RAI14: variants seen among roughly 807,000 people sequenced by gnomAD.
RAI14 encodes the protein retinoic acid induced 14.
In RAI14, 45 loss-of-function variants were observed where a neutral mutation model predicts 115.4. That is an observed-to-expected ratio of 0.39 (90% CI 0.31 to 0.50). RAI14 has a LOEUF of 0.50. Among genes scored for constraint, RAI14 ranks in the 20% least tolerant of loss-of-function variants. RAI14 has a pLI of 0.85. For missense variants in RAI14, 939 were observed against 1,131.2 expected (o/e 0.83, Z 2.44); for synonymous variants, 371 against 415.4 (o/e 0.89, Z 1.30).
intron 5 of RAI14, among the ~76,000 whole-genome samples, chr5:34,807,597 A>G (rs2150246769): frequency 1.3e-5 from 2 of 152,174 alleles, no homozygotes; most frequent in South Asian, 2.1e-4. Context: ...TGAAGCAGCA[A>G]AGAGGGGAGA....
At chr5:34,800,785 A>T (rs6885422) in intron 4 of RAI14, among the ~76,000 whole-genome samples, 324 of 152,176 alleles carry the variant, frequency 2.1e-3, no homozygotes, top group African/African-American at 7.2e-3. Context: ...TACATCTCCC[A>T]ACCATCTTGT....
chr5:34,757,335 A>T (rs1748021305), intron 2 of RAI14, 133 bp from the exon 3 acceptor site: 1 of 1,057,504 alleles, frequency 9.5e-7, no homozygotes, highest in African/African-American at 1.6e-5. Context: ...AGGTATTTTA[A>T]AACACACTCA....
intron 2 of RAI14, among the ~76,000 whole-genome samples, chr5:34,729,493 A>G (rs1162061293): frequency 6.6e-6 from 1 of 152,236 alleles, no homozygotes; most frequent in Non-Finnish European, 1.5e-5. Flanking sequence ...CTTCAAGAAA[A>G]GAGAGAAGCC....
At chr5:34,780,188 G>C (rs1278955630) in intron 3 of RAI14, among the ~76,000 whole-genome samples, 1 of 152,154 alleles carries the variant, frequency 6.6e-6, no homozygotes, top group African/African-American at 2.4e-5. Flanking sequence ...AGCTGAAACT[G>C]GATCCCATCC....
At chr5:34,749,247 G>A (rs916573840) in intron 2 of RAI14, among the ~76,000 whole-genome samples, 2 of 152,178 alleles carry the variant, frequency 1.3e-5, no homozygotes, top group African/African-American at 4.8e-5. Context: ...ATGGCTGCCC[G>A]AGCAGAGGCA....
At chr5:34,743,805 G>A (rs114416999) in intron 2 of RAI14, among the ~76,000 whole-genome samples, 25,184 of 152,160 alleles carry the variant, frequency 0.17, 2,851 homozygotes, top group Non-Finnish European at 0.22. Flanking sequence ...TGTATGGGGC[G>A]GGGGTGCAGA....
intron 2 of RAI14, among the ~76,000 whole-genome samples, chr5:34,746,479 A>G (rs1320192567): frequency 1.4e-5 from 2 of 144,254 alleles, no homozygotes; most frequent in African/African-American, 5.2e-5. Flanking sequence ...ATCTCGGCTC[A>G]CTGCAACCTC....
Position 34,760,268 on chromosome 5 carries a change from C to A in RAI14, c.167+2670C>A, listed in dbSNP as rs564423677. Among the ~76,000 whole-genome samples, 217 of 152,178 alleles carry A rather than the reference C, an allele frequency of 1.4e-3. 2 individuals carry two copies. Among genetic ancestry groups the A allele is most frequent in the East Asian group, 1.4e-3 (7 of 5,174 alleles). On this transcript the variant is annotated intron_variant, in intron 3 of 17. Transcript: ENST00000265109. ...TTCACCATGTTGGCCAGGATGGTCTCGATCTCCTGACCTCGTGATCTGCCT... is the reference window on the plus strand; with the variant it reads ...TTCACCATGTTGGCCAGGATGGTCTAGATCTCCTGACCTCGTGATCTGCCT...
At chr5:34,752,959 A>G (rs1246303847) in intron 2 of RAI14, among the ~76,000 whole-genome samples, 1 of 151,870 alleles carries the variant, frequency 6.6e-6, no homozygotes, top group Non-Finnish European at 1.5e-5. Flanking sequence ...ATCAGTCAGG[A>G]TACACATACA....
chr5:34,753,154 A>G (rs1747354475), intron 2 of RAI14, among the ~76,000 whole-genome samples: 2 of 152,170 alleles, frequency 1.3e-5, no homozygotes, highest in African/African-American at 4.8e-5. Context: ...TATGGAGGGC[A>G]TGCTAGTTAG....
chr5:34,756,464 G>A (rs1000824469), intron 2 of RAI14, among the ~76,000 whole-genome samples: 11 of 152,134 alleles, frequency 7.2e-5, no homozygotes, highest in Non-Finnish European at 1.6e-4. Context: ...AGCCGAAGGG[G>A]CCAGAAAGTG....
At chr5:34,785,582 G>C (rs980274726) in intron 3 of RAI14, among the ~76,000 whole-genome samples, 8 of 152,176 alleles carry the variant, frequency 5.3e-5, no homozygotes, top group Non-Finnish European at 8.8e-5. Context: ...TGAATGGGTT[G>C]AATTGGTCAC....
chr5:34,733,366 A>G (rs1744433221), intron 2 of RAI14: 1 of 152,228 alleles, frequency 6.6e-6, no homozygotes, highest in Admixed American at 6.5e-5. Context: ...CCTATTGAAC[A>G]TATGCATTTA....
chr5:34,800,516 C>T (rs193074480), intron 4 of RAI14, among the ~76,000 whole-genome samples: 2 of 152,256 alleles, frequency 1.3e-5, no homozygotes, highest in African/African-American at 4.8e-5. Flanking sequence ...GAAAATTTTG[C>T]ATTTGGAGAG....
chr5:34,690,669 G>C lies in RAI14; in HGVS notation c.36+3714G>C, dbSNP rs113762204. 2.1e-4 allele frequency among the ~76,000 whole-genome samples: 32 copies of C among 152,170 alleles called. 1 individual carries two copies. The highest frequency in any genetic ancestry group is 6.5e-5 in the Admixed American group (1 of 15,284). ...TGGTAGGGAATGAGCCTGACTCTGC[G>C]GGCTGTGGTTAGACAGTGACATTGT... On this transcript the variant is annotated intron_variant, in intron 2 of 17. Coordinates refer to ENST00000265109, the MANE Select transcript of RAI14 (RefSeq NM_015577.3).
In RAI14 at chr5:34,692,638, T is replaced by A. The variant is rs532932238; in HGVS notation, c.36+5683T>A. 2.7e-4 allele frequency among the ~76,000 whole-genome samples: 41 copies of A among 151,914 alleles called. 1 individual carries two copies. The South Asian group carries it at 5.0e-3, about 19-fold the overall frequency. On this transcript the variant is annotated intron_variant, in intron 2 of 17. Coordinates refer to ENST00000265109, the MANE Select transcript of RAI14 (RefSeq NM_015577.3). ...TTTTTTTTTTTAATAGACATAATTT[T>A]AAAAAAATCAGCAATGACCCCACTG... is the stretch of plus-strand genomic sequence containing the variant.
intron 2 of RAI14, among the ~76,000 whole-genome samples, chr5:34,697,768 A>G (rs1457358120): frequency 6.6e-6 from 1 of 152,218 alleles, no homozygotes; most frequent in Non-Finnish European, 1.5e-5. Flanking sequence ...TATGTAATTT[A>G]TAAAATTGTG....
At chr5:34,825,635 G>C (rs1230132734) in intron 15 of RAI14, among the ~76,000 whole-genome samples, 1 of 152,032 alleles carries the variant, frequency 6.6e-6, no homozygotes, top group Non-Finnish European at 1.5e-5. Context: ...TTGAGATGGC[G>C]CTGGACACAA....
intron 2 of RAI14, among the ~76,000 whole-genome samples, chr5:34,741,469 A>G: frequency 6.6e-6 from 1 of 152,228 alleles, no homozygotes; most frequent in Non-Finnish European, 1.5e-5. Flanking sequence ...GTTGAAATAG[A>G]TGGCAGGGAG....
Sources: gnomAD v4.1 joint callset for allele counts (sites outside exome capture counted in the v4.1 genomes callset) on GRCh38, gnomAD v4.1.1 for gene constraint, MANE v1.5 for transcripts, NCBI Gene and HGNC (gene_info 2026-07-23, HGNC 2026-07-21) for gene names.